The following RANBP2 variants were observed in gnomAD, a reference collection of about 807,000 sequenced individuals.
RANBP2 encodes the protein RAN binding protein 2, also known as E3 SUMO-protein ligase RanBP2.
In RANBP2, 57 loss-of-function variants were observed where a neutral mutation model predicts 303.6. The observed-to-expected ratio is 0.19, with a 90% CI of 0.15 to 0.23. The LOEUF (loss-of-function observed/expected upper bound fraction) is 0.23. Ranked by LOEUF, RANBP2 falls within the 10% of genes least tolerant of loss-of-function variation. RANBP2 has a pLI of 1.00. For synonymous variants in RANBP2, 1,167 were observed against 1,301.5 expected, an observed-to-expected ratio of 0.90 and a Z score of 2.23; for missense variants, 3,138 against 3,780.8, an observed-to-expected ratio of 0.83 and a Z score of 4.46.
At chr2:108,807,476 T>A in the RANBP2 span, among the ~76,000 whole-genome samples, 3 of 152,222 alleles carry the variant, frequency 2.0e-5, no homozygotes, top group African/African-American at 7.2e-5. Flanking sequence ...ATCCATCAGC[T>A]CAAACATTTA....
the RANBP2 span, among the ~76,000 whole-genome samples, chr2:109,397,129 G>T: frequency 5.9e-5 from 9 of 152,216 alleles, no homozygotes; most frequent in Middle Eastern, 3.4e-3. Context: ...ACCCAAAACA[G>T]TACCCTGGCA....
chr2:108,868,912 ATGAAAT>A, the RANBP2 span, among the ~76,000 whole-genome samples: 12 of 151,848 alleles, frequency 7.9e-5, no homozygotes, highest in African/African-American at 2.4e-4. Flanking sequence ...AAAGAAAAAA[ATGAAAT>A]TTTTTTCTAT....
At chr2:109,069,681 A>G in the RANBP2 span, among the ~76,000 whole-genome samples, 1 of 152,352 alleles carries the variant, frequency 6.6e-6, no homozygotes, top group South Asian at 2.1e-4. Flanking sequence ...GAAAATGTTG[A>G]TAACAGATGA....
At chr2:109,233,823 G>A in the RANBP2 span, among the ~76,000 whole-genome samples, 1 of 152,152 alleles carries the variant, frequency 6.6e-6, no homozygotes, top group African/African-American at 2.4e-5. Flanking sequence ...TCTTGAGTCT[G>A]GCTTCTCTCA....
chr2:108,964,759 G>C, the RANBP2 span, among the ~76,000 whole-genome samples: 34 of 152,208 alleles, frequency 2.2e-4, no homozygotes, highest in Non-Finnish European at 4.6e-4. Flanking sequence ...AGTGACAGCA[G>C]GCAGCAGCCC....
At chr2:109,575,164 T>C in the RANBP2 span, among the ~76,000 whole-genome samples, 1 of 152,232 alleles carries the variant, frequency 6.6e-6, no homozygotes, top group Non-Finnish European at 1.5e-5. Context: ...CTCATAGTCA[T>C]TCACATGCTG....
chr2:109,134,231 A>G, the RANBP2 span, among the ~76,000 whole-genome samples: 8 of 152,092 alleles, frequency 5.3e-5, no homozygotes, highest in African/African-American at 1.4e-4. Context: ...CTAGGAAGTG[A>G]TTGAGTTAGG....
the RANBP2 span, among the ~76,000 whole-genome samples, chr2:109,096,582 T>C: frequency 2.0e-5 from 3 of 152,142 alleles, no homozygotes; most frequent in African/African-American, 7.2e-5. Context: ...ACTTTGGAGA[T>C]TATGACATTA....
the RANBP2 span, among the ~76,000 whole-genome samples, chr2:108,806,780 A>C: frequency 6.6e-6 from 1 of 152,226 alleles, no homozygotes; most frequent in African/African-American, 2.4e-5. Flanking sequence ...ATAGTAATTT[A>C]TGCTAACACT....
chr2:109,367,883 G>A, the RANBP2 span, among the ~76,000 whole-genome samples: 1 of 152,130 alleles, frequency 6.6e-6, no homozygotes, highest in Admixed American at 6.5e-5. Flanking sequence ...AGGAATCACC[G>A]AACTGCCTGC....
the RANBP2 span, among the ~76,000 whole-genome samples, chr2:109,147,111 T>C: frequency 6.6e-6 from 1 of 152,104 alleles, no homozygotes. Context: ...TTGGTGACCC[T>C]GGAGCGAGTC....
the RANBP2 span, among the ~76,000 whole-genome samples, chr2:109,459,947 G>A: frequency 3.9e-5 from 6 of 152,210 alleles, no homozygotes; most frequent in Non-Finnish European, 1.5e-5. Context: ...CTGATTCAGA[G>A]CATACCCAGC....
chr2:109,559,872 A>C, the RANBP2 span, among the ~76,000 whole-genome samples: 1 of 150,672 alleles, frequency 6.6e-6, no homozygotes, highest in Non-Finnish European at 1.5e-5. Context: ...CTTCCCTTCA[A>C]ATCTGCAAGT....
chr2:108,904,099 A>G, the RANBP2 span, among the ~76,000 whole-genome samples: 1 of 152,196 alleles, frequency 6.6e-6, no homozygotes, highest in Non-Finnish European at 1.5e-5. Flanking sequence ...ATATTTTTAA[A>G]AACCCTCAAA....
the RANBP2 span, among the ~76,000 whole-genome samples, chr2:109,183,211 C>G: frequency 6.6e-6 from 1 of 152,168 alleles, no homozygotes; most frequent in African/African-American, 2.4e-5. Context: ...TGTTAACTTG[C>G]CTTCTTGTAT....
the RANBP2 span, among the ~76,000 whole-genome samples, chr2:108,815,457 TG>T: frequency 7.5e-6 from 1 of 133,964 alleles, no homozygotes; most frequent in African/African-American, 2.7e-5. Flanking sequence ...GGGAGGTTTT[TG>T]GTGTTTTTTT....
intron 4 of RANBP2, among the ~76,000 whole-genome samples, chr2:108,734,871 C>T (rs893946909): frequency 1.3e-5 from 2 of 151,832 alleles, no homozygotes; most frequent in African/African-American, 4.8e-5. Flanking sequence ...CTGGGCAACA[C>T]AGCAAGACCC....
chr2:109,574,741 T>A, the RANBP2 span: 1 of 1,594,898 alleles, frequency 6.3e-7, no homozygotes, highest in Non-Finnish European at 8.5e-7. Context: ...AAACTGAGCA[T>A]CTATGTAGTC....
the RANBP2 span, among the ~76,000 whole-genome samples, chr2:109,266,617 C>A: frequency 2.0e-5 from 3 of 151,978 alleles, no homozygotes; most frequent in Non-Finnish European, 4.4e-5. Flanking sequence ...CAGAGCAGGG[C>A]TCCCCTCAGG....
Sources: gnomAD v4.1 joint callset for allele counts (sites outside exome capture counted in the v4.1 genomes callset) on GRCh38, gnomAD v4.1.1 for gene constraint, MANE v1.5 for transcripts, NCBI Gene and HGNC (gene_info 2026-07-23, HGNC 2026-07-21) for gene names.